The following NKAIN2 variants were observed in gnomAD, a reference collection of about 807,000 sequenced individuals.
NKAIN2 encodes the protein sodium/potassium transporting ATPase interacting 2.
Under a neutral mutation model 32.6 loss-of-function variants are expected in NKAIN2, and 14 were observed. That is an observed-to-expected ratio of 0.43 (90% CI 0.28 to 0.67). NKAIN2 has a LOEUF of 0.67. Among genes scored for constraint, NKAIN2 ranks in the 30% least tolerant of loss-of-function variants. The probability of loss-of-function intolerance (pLI) is 0.17; values close to 1 mark genes in which losing one functional copy is unlikely to be tolerated. For synonymous variants in NKAIN2, 80 were observed against 87.2 expected, an observed-to-expected ratio of 0.92 and a Z score of 0.46; for missense variants, 198 against 258.3, an observed-to-expected ratio of 0.77 and a Z score of 1.60.
chr6:124,425,336 T>C (rs948207651), intron 3 of NKAIN2, among the ~76,000 whole-genome samples: 1 of 152,076 alleles, frequency 6.6e-6, no homozygotes, highest in Non-Finnish European at 1.5e-5. Flanking sequence ...GGTTAAAGAC[T>C]TAAATATAAG....
intron 1 of NKAIN2, among the ~76,000 whole-genome samples, chr6:123,975,084 T>C (rs184264474): frequency 6.6e-6 from 1 of 152,274 alleles, no homozygotes; most frequent in East Asian, 1.9e-4. Context: ...GAAAATAAAG[T>C]TATTAACCTG....
intron 1 of NKAIN2, among the ~76,000 whole-genome samples, chr6:124,010,030 G>A (rs1780252910): frequency 1.3e-5 from 2 of 152,020 alleles, no homozygotes; most frequent in African/African-American, 4.8e-5. Context: ...ATTTAAAGTA[G>A]CATGATCTTG....
chr6:124,745,320 C>T (rs1185935527), intron 4 of NKAIN2, among the ~76,000 whole-genome samples: 5 of 151,768 alleles, frequency 3.3e-5, no homozygotes, highest in Admixed American at 2.0e-4. Context: ...TAGAAGCATA[C>T]AGTTTGTCCA....
At chr6:123,951,200 T>C (rs1777309756) in intron 1 of NKAIN2, among the ~76,000 whole-genome samples, 3 of 152,188 alleles carry the variant, frequency 2.0e-5, no homozygotes, top group Admixed American at 2.0e-4. Context: ...ATGGAGAATG[T>C]CTTATGTGCT....
At chr6:124,486,385 C>T (rs1777650724) in intron 3 of NKAIN2, among the ~76,000 whole-genome samples, 1 of 152,068 alleles carries the variant, frequency 6.6e-6, no homozygotes, top group African/African-American at 2.4e-5. Flanking sequence ...CCTCTTACTC[C>T]TTTATTTTTA....
intron 3 of NKAIN2, among the ~76,000 whole-genome samples, chr6:124,415,273 T>A (rs1015448884): frequency 6.6e-6 from 1 of 152,202 alleles, no homozygotes. Flanking sequence ...AAATTGGGGA[T>A]CCCACTCTCC....
At chr6:124,256,186 ATGT>A (rs1197371238) in intron 1 of NKAIN2, among the ~76,000 whole-genome samples, 2 of 152,188 alleles carry the variant, frequency 1.3e-5, no homozygotes, top group Admixed American at 1.3e-4. Flanking sequence ...AGGTAGGGAA[ATGT>A]TGTCACAACA....
intron 1 of NKAIN2, among the ~76,000 whole-genome samples, chr6:124,081,458 C>A (rs527540736): frequency 6.6e-6 from 1 of 152,078 alleles, no homozygotes; most frequent in Admixed American, 6.6e-5. Context: ...TATTCTGTTT[C>A]TCCTCTTTAC....
intron 4 of NKAIN2, among the ~76,000 whole-genome samples, chr6:124,709,675 C>T (rs996484658): frequency 5.3e-5 from 8 of 151,094 alleles, no homozygotes; most frequent in East Asian, 1.9e-4. Context: ...TCTGTGGGAT[C>T]GGTGGTGATA....
At chr6:124,006,470 TCA>T (rs1409711779) in intron 1 of NKAIN2, among the ~76,000 whole-genome samples, 3 of 152,192 alleles carry the variant, frequency 2.0e-5, no homozygotes, top group Non-Finnish European at 4.4e-5. Context: ...GAAACACACC[TCA>T]AATCTAGCTT....
intron 5 of NKAIN2, among the ~76,000 whole-genome samples, chr6:124,811,189 AT>A (rs1163259613): frequency 6.6e-6 from 1 of 152,174 alleles, no homozygotes; most frequent in African/African-American, 2.4e-5. Context: ...TAGAAAATTC[AT>A]TGAAAGACAT....
At chr6:124,502,837 C>T (rs1778345621) in intron 3 of NKAIN2, among the ~76,000 whole-genome samples, 1 of 152,132 alleles carries the variant, frequency 6.6e-6, no homozygotes, top group South Asian at 2.1e-4. Flanking sequence ...TCTGTCTATT[C>T]ATGTGTGTCA....
intron 1 of NKAIN2, among the ~76,000 whole-genome samples, chr6:123,840,211 C>A (rs1774810748): frequency 6.6e-6 from 1 of 151,844 alleles, no homozygotes; most frequent in South Asian, 2.1e-4. Context: ...CTACTGTTAT[C>A]CAGAGTACTT....
At chr6:124,617,631 A>T (rs776815945) in intron 3 of NKAIN2, among the ~76,000 whole-genome samples, 1 of 152,160 alleles carries the variant, frequency 6.6e-6, no homozygotes, top group Non-Finnish European at 1.5e-5. Flanking sequence ...CAGCTCCTTC[A>T]GTGCAAGGAC....
chr6:124,272,953 A>G (rs1279038560), intron 1 of NKAIN2, among the ~76,000 whole-genome samples: 1 of 152,200 alleles, frequency 6.6e-6, no homozygotes, highest in Admixed American at 6.5e-5. Flanking sequence ...GAATGGAAAC[A>G]TTTACCCAAT....
At chr6:123,998,424 C>T (rs767883380) in intron 1 of NKAIN2, among the ~76,000 whole-genome samples, 8 of 152,180 alleles carry the variant, frequency 5.3e-5, no homozygotes, top group Non-Finnish European at 1.0e-4. Context: ...ATACTCAGCT[C>T]ATGCCAATTT....
intron 1 of NKAIN2, among the ~76,000 whole-genome samples, chr6:124,204,985 C>A (rs558619971): frequency 2.7e-5 from 4 of 148,126 alleles, no homozygotes; most frequent in Non-Finnish European, 3.0e-5. Flanking sequence ...TAAAAAAAAG[C>A]AAAAAAAAAA....
chr6:124,463,884 T>C (rs2114653979), intron 3 of NKAIN2, among the ~76,000 whole-genome samples: 1 of 152,284 alleles, frequency 6.6e-6, no homozygotes, highest in Non-Finnish European at 1.5e-5. Flanking sequence ...ATCCAAAATA[T>C]GATCTTTAGA....
chr6:124,661,482 A>G (rs1230731244), intron 4 of NKAIN2, among the ~76,000 whole-genome samples: 4 of 152,184 alleles, frequency 2.6e-5, no homozygotes, highest in African/African-American at 4.8e-5. Context: ...TTTTCTGCCA[A>G]TCAACTCCTG....
Sources: allele counts gnomAD v4.1 joint callset (sites outside exome capture counted in the v4.1 genomes callset), GRCh38; gene constraint gnomAD v4.1.1; transcripts MANE v1.5; gene names NCBI Gene and HGNC (gene_info 2026-07-23, HGNC 2026-07-21).